The following GPC3 variants were observed in gnomAD, a reference collection of about 807,000 sequenced individuals.
GPC3 encodes glypican 3.
GPC3 carries 3 observed loss-of-function variants against 34.4 expected under a neutral mutation model. The observed-to-expected ratio is 0.09, with a 90% CI of 0.04 to 0.23. GPC3 has a LOEUF of 0.23. Ranked by LOEUF, GPC3 falls within the 10% of genes least tolerant of loss-of-function variation. The pLI, the probability that GPC3 is intolerant of heterozygous loss-of-function variation, is 1.00. For missense variants in GPC3, 351 were observed against 445.6 expected, an observed-to-expected ratio of 0.79 and a Z score of 1.91; for synonymous variants, 177 against 174.0, an observed-to-expected ratio of 1.02 and a Z score of -0.13.
In GPC3 at chrX:133,559,236, C is replaced by T. The variant is rs1005864709; in HGVS notation, c.1574-22943G>A. Among the ~76,000 whole-genome samples the T allele has an allele frequency of 4.5e-5, 5 of 111,611 alleles. No homozygotes were observed. In the East Asian group the frequency reaches 1.4e-3, roughly 32 times the overall value. On this transcript the variant is annotated intron_variant, in intron 7 of 7. Coordinates refer to ENST00000370818, the MANE Select transcript of GPC3 (RefSeq NM_004484.4). ...TGTAACATTTCTTGAGTGCTGAGAA[C>T]ATTTATGGATGTCTGAGGAACCAGC...
chrX:133,864,498 C>T (rs1243674794), intron 2 of GPC3, among the ~76,000 whole-genome samples: 1 of 111,527 alleles, frequency 9.0e-6, no homozygotes, highest in Non-Finnish European at 1.9e-5. Flanking sequence ...CAAACAGCTG[C>T]AACTCCCATC....
rs1315133371 is a variant in GPC3 at position 133,976,523 on chromosome X, T to C, written c.175+8752A>G. ...TATACATACATAAAATCTATGAATA[T>C]AAATACATAAAACATATCCAAACAC... On this transcript the variant is annotated intron_variant, in intron 1 of 7. Transcript: ENST00000370818. Among the ~76,000 whole-genome samples the C allele has an allele frequency of 2.7e-5, 3 of 112,086 alleles. No individual in the cohort carries two copies. The Admixed American group carries it at 2.8e-4, about 11-fold the overall frequency.
At chrX:133,750,116 C>T (rs1439264787) in intron 3 of GPC3, among the ~76,000 whole-genome samples, 1 of 112,031 alleles carries the variant, frequency 8.9e-6, no homozygotes, top group African/African-American at 3.3e-5. Flanking sequence ...GAGCTGGGAG[C>T]AATCAGGCCC....
intron 1 of GPC3, 22 bp downstream of exon 1, chrX:133,985,253 C>A: frequency 8.3e-7 from 1 of 1,208,166 alleles, no homozygotes; most frequent in African/African-American, 1.7e-5. Flanking sequence ...GCGCTAGGCA[C>A]GCTCAAGGGA....
intron 2 of GPC3, among the ~76,000 whole-genome samples, chrX:133,830,213 C>T (rs1296971159): frequency 9.0e-6 from 1 of 111,186 alleles, no homozygotes; most frequent in East Asian, 2.8e-4. Context: ...AACCGAGAGT[C>T]CAGAAATATA....
intron 6 of GPC3, among the ~76,000 whole-genome samples, chrX:133,618,151 C>A (rs1410391237): frequency 9.0e-6 from 1 of 111,574 alleles, no homozygotes; most frequent in Non-Finnish European, 1.9e-5. Flanking sequence ...TCAGAAAGTA[C>A]AATACACATG....
intron 2 of GPC3, among the ~76,000 whole-genome samples, chrX:133,951,056 G>GTA (rs2076390816): frequency 1.1e-5 from 1 of 93,443 alleles, no homozygotes; most frequent in Non-Finnish European, 2.2e-5. Context: ...AAGTGTGTGT[G>GTA]TGTGTGTGTG....
At chrX:133,765,168 T>C in intron 2 of GPC3, among the ~76,000 whole-genome samples, 1 of 112,159 alleles carries the variant, frequency 8.9e-6, no homozygotes, top group East Asian at 2.8e-4. Flanking sequence ...AAAGAGTTTA[T>C]GAGGAGAGGA....
intron 1 of GPC3, among the ~76,000 whole-genome samples, chrX:133,970,369 C>T (rs1569460865): frequency 9.0e-6 from 1 of 111,393 alleles, no homozygotes; most frequent in African/African-American, 3.3e-5. Context: ...GTTTATATTT[C>T]CTAGCCAGGA....
rs773772069 is a variant in GPC3, at chrX:133,953,308, A to G, written c.176-97T>C. ...CCACCCCCTACACACACACTCACAC[A>G]TGGCAAACAGGGCAAACAATGCATT... On this transcript the variant is annotated intron_variant, in intron 1 of 7. Transcript: ENST00000370818. 243 of 666,406 alleles carry G rather than the reference A, an allele frequency of 3.6e-4. 1 individual carries two copies. In the African/African-American group the frequency reaches 4.6e-3, roughly 13 times the overall value. The allele number at this position is 666,406 out of a possible 1,213,427, so 54.9% of individuals were successfully genotyped here. A position where few individuals can be genotyped will look rare whatever the true frequency, so the allele number is the denominator to read the frequency against.
intron 1 of GPC3, among the ~76,000 whole-genome samples, chrX:133,964,441 A>C (rs1202048342): frequency 9.0e-6 from 1 of 111,663 alleles, no homozygotes; most frequent in Non-Finnish European, 1.9e-5. Flanking sequence ...CCGTGGCAAA[A>C]ATGCTTAGAA....
intron 1 of GPC3, among the ~76,000 whole-genome samples, chrX:133,969,262 C>T (rs1323732243): frequency 9.0e-6 from 1 of 111,318 alleles, no homozygotes; most frequent in Non-Finnish European, 1.9e-5. Context: ...GAAGAAGAGA[C>T]TCAATTATCC....
intron 2 of GPC3, among the ~76,000 whole-genome samples, chrX:133,817,055 T>C (rs1381646336): frequency 8.9e-6 from 1 of 111,916 alleles, no homozygotes. Flanking sequence ...TCATTTAACA[T>C]CTATTTTTGT....
At position 133,543,746 on chromosome X, in the gene GPC3, T is replaced by C. The variant is rs770690817; in HGVS notation, c.1574-7453A>G. On this transcript the variant is annotated intron_variant, in intron 7 of 7. Transcript: ENST00000370818. ...CCATCACATGCTTCTTCCTAGGGAATTGGGGGAAAGCACACTTTTTTATAC... is the reference window on the plus strand; with the variant it reads ...CCATCACATGCTTCTTCCTAGGGAACTGGGGGAAAGCACACTTTTTTATAC... Among the ~76,000 whole-genome samples, 318 of 111,963 alleles carry C rather than the reference T, an allele frequency of 2.8e-3. 1 individual carries two copies. Among genetic ancestry groups the C allele is most frequent in the African/African-American group, 9.7e-3 (300 of 30,844 alleles).
At chrX:133,615,032 G>A (rs1373130111) in intron 6 of GPC3, among the ~76,000 whole-genome samples, 1 of 112,162 alleles carries the variant, frequency 8.9e-6, no homozygotes, top group Non-Finnish European at 1.9e-5. Flanking sequence ...TCTATAACAA[G>A]TAAAATAATG....
At chrX:133,812,272 A>G (rs1269602326) in intron 2 of GPC3, among the ~76,000 whole-genome samples, 1 of 112,300 alleles carries the variant, frequency 8.9e-6, no homozygotes, top group African/African-American at 3.2e-5. Context: ...TCTAGTCTCA[A>G]AAACATTTAC....
chrX:133,867,882 G>C (rs956616684), intron 2 of GPC3, among the ~76,000 whole-genome samples: 9 of 108,101 alleles, frequency 8.3e-5, no homozygotes, highest in African/African-American at 2.7e-4. Flanking sequence ...GAGGAGTTCA[G>C]CTAGGGGCAG....
intron 2 of GPC3, among the ~76,000 whole-genome samples, chrX:133,869,799 A>G (rs2075986098): frequency 9.0e-6 from 1 of 110,871 alleles, no homozygotes; most frequent in Admixed American, 9.6e-5. Flanking sequence ...TAAAAATACA[A>G]AAAAAATTAG....
At chrX:133,932,319 C>T (rs1220978402) in intron 2 of GPC3, among the ~76,000 whole-genome samples, 1 of 112,127 alleles carries the variant, frequency 8.9e-6, no homozygotes, top group Non-Finnish European at 1.9e-5. Flanking sequence ...TTATTATACT[C>T]AGTTGAAAAC....
Sources: gnomAD v4.1 joint callset for allele counts (sites outside exome capture counted in the v4.1 genomes callset) on GRCh38, gnomAD v4.1.1 for gene constraint, MANE v1.5 for transcripts, NCBI Gene and HGNC (gene_info 2026-07-23, HGNC 2026-07-21) for gene names.